Variants in SLC14A2 observed in about 807,000 individuals in gnomAD.
SLC14A2 encodes the protein urea transporter 2.
Under a neutral mutation model 104.6 loss-of-function variants are expected in SLC14A2, and 91 were observed. The ratio of observed to expected loss-of-function variants is 0.87; its 90% CI spans 0.73 to 1.04. The LOEUF (loss-of-function observed/expected upper bound fraction) is 1.04, where lower values mean the gene tolerates loss of function less well. SLC14A2 is among the 50% of genes least tolerant of loss of function. The pLI, the probability that SLC14A2 is intolerant of heterozygous loss-of-function variation, is 0.00. For synonymous variants in SLC14A2, 476 were observed against 466.4 expected (o/e 1.02, Z -0.27); for missense variants, 1,189 against 1,156.0 (o/e 1.03, Z -0.41).
intron 1 of SLC14A2, among the ~76,000 whole-genome samples, chr18:45,280,418 A>T (rs2084750315): frequency 6.6e-6 from 1 of 152,182 alleles, no homozygotes; most frequent in Non-Finnish European, 1.5e-5. Flanking sequence ...TGGAAGCGGC[A>T]GGGAATGGTT....
chr18:45,536,072 C>T (rs1250102602), intron 2 of SLC14A2, among the ~76,000 whole-genome samples: 4 of 152,126 alleles, frequency 2.6e-5, no homozygotes, highest in Admixed American at 6.5e-5. Context: ...ATATGAAGAA[C>T]ATTGACTTCC....
At chr18:45,569,852 G>T (rs1211945547) in intron 2 of SLC14A2, among the ~76,000 whole-genome samples, 1 of 152,048 alleles carries the variant, frequency 6.6e-6, no homozygotes, top group Non-Finnish European at 1.5e-5. Flanking sequence ...TGTGACCTTG[G>T]GCTAGTCACA....
intron 1 of SLC14A2, among the ~76,000 whole-genome samples, chr18:45,363,686 A>G (rs1162743230): frequency 6.6e-6 from 1 of 152,238 alleles, no homozygotes; most frequent in Non-Finnish European, 1.5e-5. Flanking sequence ...TCAGAGGTTT[A>G]TTCCTGAATG....
At chr18:45,205,634 T>C in the SLC14A2 span, among the ~76,000 whole-genome samples, 3 of 152,162 alleles carry the variant, frequency 2.0e-5, no homozygotes, top group African/African-American at 7.2e-5. Flanking sequence ...ACTGCTTGCA[T>C]TGAAGCTAAA....
chr18:45,675,711 T>TA (rs1568006254), intron 18 of SLC14A2, among the ~76,000 whole-genome samples: 3,153 of 48,450 alleles, frequency 0.065, 38 homozygotes, highest in African/African-American at 0.077. Flanking sequence ...ATATATATAT[T>TA]TTTTTTTTTT....
chr18:45,572,710 C>T (rs1484890480), intron 2 of SLC14A2, among the ~76,000 whole-genome samples: 1 of 152,170 alleles, frequency 6.6e-6, no homozygotes, highest in East Asian at 1.9e-4. Context: ...TTATTGTCAT[C>T]GTATATACCA....
intron 1 of SLC14A2, chr18:45,436,811 C>T (rs2086603284): frequency 1.3e-5 from 2 of 151,282 alleles, no homozygotes; most frequent in Non-Finnish European, 2.9e-5. Context: ...TTTTTTAAGC[C>T]GAAACCAAAG....
At chr18:45,524,988 C>G (rs1038346166) in intron 2 of SLC14A2, among the ~76,000 whole-genome samples, 4 of 152,178 alleles carry the variant, frequency 2.6e-5, no homozygotes, top group Non-Finnish European at 5.9e-5. Context: ...AAATTTGAAA[C>G]TACAGGGATA....
intron 1 of SLC14A2, among the ~76,000 whole-genome samples, chr18:45,431,374 A>G (rs1351339211): frequency 1.3e-5 from 2 of 152,174 alleles, no homozygotes; most frequent in African/African-American, 2.4e-5. Flanking sequence ...TACCTAGTTA[A>G]TTTACTAAAC....
intron 2 of SLC14A2, 42 bp downstream of exon 2, chr18:45,624,856 G>A (rs766852330): frequency 1.9e-6 from 3 of 1,559,932 alleles, no homozygotes; most frequent in African/African-American, 2.7e-5. Context: ...GGAGGGAGGG[G>A]ATGGGAAAAG....
chr18:45,181,365 T>C, the SLC14A2 span: 1 of 152,198 alleles, frequency 6.6e-6, no homozygotes, highest in Admixed American at 6.5e-5. Flanking sequence ...TTGGATCAAG[T>C]GCCACTCCCT....
chr18:45,607,463 G>A (rs752632156), intron 2 of SLC14A2, among the ~76,000 whole-genome samples: 4 of 151,952 alleles, frequency 2.6e-5, no homozygotes, highest in African/African-American at 4.8e-5. Context: ...CCACATAGTT[G>A]GTACTCAGCA....
rs528597627 is a variant in SLC14A2 at position 45,673,041 on chromosome 18, C to T, written c.2371C>T (p.Leu791=). ...AGCAATTGGATCCACCATGGGGATGCTAGCAGGTCTGTGTCCTCACTTCCC... is the reference window on the plus strand; with the variant it reads ...AGCAATTGGATCCACCATGGGGATGTTAGCAGGTCTGTGTCCTCACTTCCC... ...HAAIGSTMGM[L]AALTIATPFD... Residue 791 remains leucine (L), a synonymous_variant, in exon 17 of 20, where the codon CTA becomes TTA. Coordinates refer to ENST00000255226, the MANE Select transcript of SLC14A2 (RefSeq NM_007163.4). 4 of 1,613,776 alleles carry T rather than the reference C, an allele frequency of 2.5e-6. No homozygotes were observed. The highest frequency in any genetic ancestry group is 4.5e-5 in the East Asian group (2 of 44,886).
intron 1 of SLC14A2, among the ~76,000 whole-genome samples, chr18:45,428,892 T>C (rs2086473461): frequency 6.6e-6 from 1 of 152,236 alleles, no homozygotes; most frequent in Non-Finnish European, 1.5e-5. Context: ...TGGTTCTAGA[T>C]TTCTGGGAAG....
At chr18:45,386,891 GC>G (rs1414139602) in intron 1 of SLC14A2, among the ~76,000 whole-genome samples, 1 of 152,192 alleles carries the variant, frequency 6.6e-6, no homozygotes, top group African/African-American at 2.4e-5. Context: ...ACATAACCAG[GC>G]ACATGGTGAG....
chr18:45,185,861 A>AT, the SLC14A2 span, among the ~76,000 whole-genome samples: 1 of 152,168 alleles, frequency 6.6e-6, no homozygotes, highest in Non-Finnish European at 1.5e-5. Flanking sequence ...CATAAACTAA[A>AT]TTTTTTTAAA....
intron 1 of SLC14A2, among the ~76,000 whole-genome samples, chr18:45,310,418 CT>C (rs1360733581): frequency 1.3e-5 from 2 of 152,204 alleles, no homozygotes; most frequent in Non-Finnish European, 2.9e-5. Flanking sequence ...ATCATTATTG[CT>C]AATTTATATT....
chr18:45,418,491 A>G (rs1285358129), intron 1 of SLC14A2, among the ~76,000 whole-genome samples: 2 of 152,150 alleles, frequency 1.3e-5, no homozygotes, highest in African/African-American at 2.4e-5. Flanking sequence ...TAGGAGACAT[A>G]TGAGTGTTTG....
At chr18:45,491,981 C>T (rs184190655) in intron 2 of SLC14A2, 29 of 152,342 alleles carry the variant, frequency 1.9e-4, no homozygotes, top group Non-Finnish European at 2.5e-4. Flanking sequence ...TCCAGAAGTA[C>T]GCAGTACGGG....
Sources: allele counts gnomAD v4.1 joint callset (sites outside exome capture counted in the v4.1 genomes callset), GRCh38; gene constraint gnomAD v4.1.1; transcripts MANE v1.5; gene names NCBI Gene and HGNC (gene_info 2026-07-23, HGNC 2026-07-21).